Variants in NKAIN2 observed in about 807,000 individuals in gnomAD.
NKAIN2 encodes sodium/potassium-transporting ATPase subunit beta-1-interacting protein 2.
Under a neutral mutation model 32.6 loss-of-function variants are expected in NKAIN2, and 14 were observed. The observed-to-expected ratio is 0.43, with a 90% confidence interval of 0.28 to 0.67. The LOEUF is 0.67. Ranked by LOEUF, NKAIN2 falls within the 30% of genes least tolerant of loss-of-function variation. NKAIN2 has a pLI of 0.17. For synonymous variants in NKAIN2, 80 were observed against 87.2 expected (o/e 0.92, Z 0.46); for missense variants, 198 against 258.3 (o/e 0.77, Z 1.60).
intron 1 of NKAIN2, among the ~76,000 whole-genome samples, chr6:124,004,541 A>G (rs1321573112): frequency 1.3e-5 from 2 of 151,910 alleles, no homozygotes; most frequent in East Asian, 2.0e-4. Context: ...GATTAAAAAA[A>G]TTTTCAGTTT....
At chr6:124,035,741 C>T (rs1781581412) in intron 1 of NKAIN2, among the ~76,000 whole-genome samples, 1 of 152,134 alleles carries the variant, frequency 6.6e-6, no homozygotes, top group African/African-American at 2.4e-5. Flanking sequence ...TGCCACCGTT[C>T]AAACCCTGCC....
chr6:123,853,191 A>G (rs17749667), intron 1 of NKAIN2, among the ~76,000 whole-genome samples: 40,938 of 152,064 alleles, frequency 0.27, 6,197 homozygotes, highest in Non-Finnish European at 0.34. Flanking sequence ...CTTGGAGGAA[A>G]AAAATGACTT....
chr6:124,351,488 A>T (rs1174910255), intron 2 of NKAIN2, among the ~76,000 whole-genome samples: 1 of 146,680 alleles, frequency 6.8e-6, no homozygotes, highest in East Asian at 2.0e-4. Context: ...TGGCAGAGTG[A>T]GATCCTGTCT....
chr6:124,650,089 A>T (rs1426936969), intron 3 of NKAIN2, among the ~76,000 whole-genome samples: 1 of 152,240 alleles, frequency 6.6e-6, no homozygotes, highest in Non-Finnish European at 1.5e-5. Flanking sequence ...GATCAGGAAC[A>T]AAGCAGGGTT....
intron 3 of NKAIN2, among the ~76,000 whole-genome samples, chr6:124,531,014 T>C (rs1030203147): frequency 6.6e-6 from 1 of 152,200 alleles, no homozygotes. Context: ...AATACCCCCA[T>C]AGACATATCC....
intron 1 of NKAIN2, among the ~76,000 whole-genome samples, chr6:124,264,758 T>G (rs1794411816): frequency 2.0e-5 from 3 of 152,196 alleles, no homozygotes; most frequent in African/African-American, 7.2e-5. Context: ...AGCATCTAAG[T>G]ATAGTTTTTA....
intron 1 of NKAIN2, among the ~76,000 whole-genome samples, chr6:123,881,090 T>G (rs940832543): frequency 6.6e-6 from 1 of 152,134 alleles, no homozygotes; most frequent in Non-Finnish European, 1.5e-5. Flanking sequence ...AGCACCATCT[T>G]GGCTAACTGC....
chr6:124,497,788 A>T (rs1778118498), intron 3 of NKAIN2, among the ~76,000 whole-genome samples: 1 of 144,516 alleles, frequency 6.9e-6, no homozygotes, highest in Admixed American at 7.2e-5. Context: ...ACTTTTTCAA[A>T]TTTCACAGTT....
chr6:124,342,327 T>C lies in NKAIN2; in HGVS notation c.193-12940T>C, dbSNP rs1411301755. Among the ~76,000 whole-genome samples, 49 of 148,522 alleles carry C rather than the reference T, an allele frequency of 3.3e-4. No individual in the cohort carries two copies. The Admixed American group carries it at 3.3e-3, about 10-fold the overall frequency. On this transcript the variant is annotated intron_variant, in intron 2 of 6. Transcript: ENST00000368417. Reference sequence around the variant, plus strand: ...AGGAGGCTGAGGCAGGAGAATGGAGTGAACCTGGGAGGCAGAGCTTGCAGT... The same window carrying C: ...AGGAGGCTGAGGCAGGAGAATGGAGCGAACCTGGGAGGCAGAGCTTGCAGT...
intron 3 of NKAIN2, among the ~76,000 whole-genome samples, chr6:124,609,207 G>A (rs1782602343): frequency 6.6e-6 from 1 of 151,948 alleles, no homozygotes; most frequent in Non-Finnish European, 1.5e-5. Flanking sequence ...TAAATGATTT[G>A]GTGAAAAATG....
At chr6:124,754,240 A>C (rs1447068774) in intron 4 of NKAIN2, among the ~76,000 whole-genome samples, 2 of 152,122 alleles carry the variant, frequency 1.3e-5, no homozygotes, top group Non-Finnish European at 2.9e-5. Flanking sequence ...TAGTTTATGT[A>C]AAACTCAGTA....
chr6:124,630,775 C>T (rs940486079), intron 3 of NKAIN2, among the ~76,000 whole-genome samples: 1 of 152,012 alleles, frequency 6.6e-6, no homozygotes, highest in Non-Finnish European at 1.5e-5. Flanking sequence ...GGGGAGAAAT[C>T]AAATTATACA....
intron 4 of NKAIN2, among the ~76,000 whole-genome samples, chr6:124,764,746 T>C (rs1053889761): frequency 2.6e-5 from 4 of 152,210 alleles, no homozygotes; most frequent in Non-Finnish European, 5.9e-5. Context: ...TTCTTATCAC[T>C]TGAAGTTGAC....
intron 2 of NKAIN2, among the ~76,000 whole-genome samples, chr6:124,314,033 G>A (rs1796833332): frequency 6.6e-6 from 1 of 152,062 alleles, no homozygotes; most frequent in Non-Finnish European, 1.5e-5. Context: ...TAAGGCTGAA[G>A]GTCCACACCT....
At chr6:124,349,339 C>T (rs968657458) in intron 2 of NKAIN2, among the ~76,000 whole-genome samples, 2 of 152,140 alleles carry the variant, frequency 1.3e-5, no homozygotes, top group Non-Finnish European at 2.9e-5. Flanking sequence ...CCCATTCTCC[C>T]AGTGCACAGG....
chr6:124,187,900 T>C (rs1789822855), intron 1 of NKAIN2, among the ~76,000 whole-genome samples: 1 of 152,182 alleles, frequency 6.6e-6, no homozygotes, highest in African/African-American at 2.4e-5. Flanking sequence ...TTCCTCTTCT[T>C]AACCAAGATG....
intron 1 of NKAIN2, among the ~76,000 whole-genome samples, chr6:124,241,884 C>G (rs1481678918): frequency 6.6e-6 from 1 of 151,892 alleles, no homozygotes; most frequent in African/African-American, 2.4e-5. Context: ...TTCCTTACAC[C>G]TTATACAAAA....
chr6:124,126,199 T>G (rs1486121496), intron 1 of NKAIN2, among the ~76,000 whole-genome samples: 1 of 152,130 alleles, frequency 6.6e-6, no homozygotes, highest in Non-Finnish European at 1.5e-5. Flanking sequence ...CTGTCTATCT[T>G]TCTCCCTCTA....
At chr6:124,639,336 T>G (rs931863983) in intron 3 of NKAIN2, among the ~76,000 whole-genome samples, 1 of 152,100 alleles carries the variant, frequency 6.6e-6, no homozygotes, top group Non-Finnish European at 1.5e-5. Flanking sequence ...ATTAAAAGAT[T>G]AATAGATAAG....
Sources: gnomAD v4.1 joint callset for allele counts (sites outside exome capture counted in the v4.1 genomes callset) on GRCh38, gnomAD v4.1.1 for gene constraint, MANE v1.5 for transcripts, NCBI Gene and HGNC (gene_info 2026-07-23, HGNC 2026-07-21) for gene names.